PRRC2A: variants seen among roughly 807,000 people sequenced by gnomAD.
PRRC2A encodes the protein protein PRRC2A.
Under a neutral mutation model 224.6 loss-of-function variants are expected in PRRC2A, and 59 were observed. The observed-to-expected ratio is 0.26, with a 90% confidence interval of 0.21 to 0.33. PRRC2A has a LOEUF of 0.33. Among genes scored for constraint, PRRC2A ranks in the 10% least tolerant of loss-of-function variants. PRRC2A has a pLI of 1.00. For missense variants in PRRC2A, 3,095 were observed against 2,880.7 expected, an observed-to-expected ratio of 1.07 and a Z score of -1.70; for synonymous variants, 1,194 against 1,109.5, an observed-to-expected ratio of 1.08 and a Z score of -1.51.
rs1344886022 is a variant in PRRC2A, at chr6:31,626,036, G to A, written c.856G>A (p.Ala286Thr). The A allele has an allele frequency of 2.5e-6, 4 of 1,601,464 alleles. No individual in the cohort carries two copies. Among genetic ancestry groups the A allele is most frequent in the East Asian group, 2.2e-5 (1 of 44,888 alleles). ...PDGPSRFPRV[A>T]GPRGSGPPMR... Reference sequence around the variant, plus strand: ...TGTGTACAGCCGTTTTCCCCGTGTGGCGGGCCCCCGAGGCTCAGGGCCACC... The same window carrying A: ...TGTGTACAGCCGTTTTCCCCGTGTGACGGGCCCCCGAGGCTCAGGGCCACC... Residue 286 changes from alanine (A) to threonine (T), a missense_variant, in exon 9 of 31, where the codon GCG (alanine) becomes ACG (threonine). Ala to Thr is a moderately conservative substitution (Grantham distance 58). Transcript: ENST00000376033.
chr6:31,622,971 C>G, intron 2 of PRRC2A, 70 bp downstream of exon 2: 2 of 1,274,178 alleles, frequency 1.6e-6, no homozygotes, highest in Non-Finnish European at 1.1e-6. Context: ...TTTTAGAGCT[C>G]TTTAAAGGGA....
chr6:31,637,002 G>A (rs1270278682), intron 28 of PRRC2A, 40 bp from the exon 29 acceptor site: 4 of 1,597,072 alleles, frequency 2.5e-6, no homozygotes, highest in African/African-American at 1.3e-5. Context: ...TAGGGATTCT[G>A]TATTTCAAGG....
At chr6:31,634,421 T>A (rs1382417732) in intron 19 of PRRC2A, 51 bp from the exon 20 acceptor site, 15 of 1,612,150 alleles carry the variant, frequency 9.3e-6, no homozygotes, top group Non-Finnish European at 1.2e-5. Flanking sequence ...GAGAGGGGCT[T>A]CTGAACTGTC....
Position 31,636,954 on chromosome 6 carries a change from C to T in PRRC2A, c.6147+9C>T. On this transcript the variant is annotated intron_variant, in intron 28 of 30. Coordinates refer to ENST00000376033, the MANE Select transcript of PRRC2A (RefSeq NM_004638.4). This position sits in a 1 kb window ranked among gnomAD's most constrained non-coding sequence, Gnocchi z 4.3. ...GCTTGGGGCGAGCAGAGGTAAGGTA[C>T]AGGAACTGAGGGGCTAGGGAGCGCC... 1 of 1,611,250 alleles carries T rather than the reference C, an allele frequency of 6.2e-7. No homozygotes were observed. The highest frequency in any genetic ancestry group is 8.5e-7 in the Non-Finnish European group (1 of 1,178,784).
chr6:31,623,645 C>G, intron 2 of PRRC2A, 87 bp from the exon 3 acceptor site: 3 of 1,405,970 alleles, frequency 2.1e-6, no homozygotes, highest in Non-Finnish European at 2.9e-6. Context: ...ATAAAATATT[C>G]AACATGTATA....
At position 31,627,571 on chromosome 6, in the gene PRRC2A, C is replaced by G. The variant is rs1289690271; in HGVS notation, c.1291-194C>G. On this transcript the variant is annotated intron_variant, in intron 11 of 30. Coordinates refer to ENST00000376033, the MANE Select transcript of PRRC2A (RefSeq NM_004638.4). The surrounding 1 kb of genome is among the most constrained non-coding windows in gnomAD (Gnocchi z 5.6). ...GGATCACTTGAGCCCAAGTTCAAGACCAGCCTGGGCAACATAGCAAGACGT... is the reference window on the plus strand; with the variant it reads ...GGATCACTTGAGCCCAAGTTCAAGAGCAGCCTGGGCAACATAGCAAGACGT... Among the ~76,000 whole-genome samples the G allele has an allele frequency of 1.3e-5, 2 of 152,192 alleles. No individual in the cohort carries two copies. Among genetic ancestry groups the G allele is most frequent in the Non-Finnish European group, 2.9e-5 (2 of 68,040 alleles).
chr6:31,633,968 A>C lies in PRRC2A; in HGVS notation c.4698A>C (p.Arg1566Ser). Residue 1566 changes from arginine (R) to serine (S), a missense_variant, in exon 18 of 31, where the codon AGA becomes AGC. Physicochemically the swap from Arg to Ser is moderately radical, Grantham distance 110. Transcript: ENST00000376033. ...CTAAACGTCGGGAGCGGCCTCCCAG[A>C]AAACCAGAGCTGCTACAGGAGGTAA... ...FPPKRRERPP[R>S]KPELLQEESL... is the part of the protein sequence containing the mutation. 1 of 1,604,172 alleles carries C rather than the reference A, an allele frequency of 6.2e-7. No individual in the cohort carries two copies. The highest frequency in any genetic ancestry group is 1.3e-5 in the African/African-American group (1 of 74,272).
chr6:31,633,118 G>A, intron 16 of PRRC2A, 126 bp downstream of exon 16: 2 of 1,314,734 alleles, frequency 1.5e-6, no homozygotes, highest in Non-Finnish European at 2.0e-6. Context: ...TAGAATGTCA[G>A]TAGGATTTCC....
Position 31,626,169 on chromosome 6 carries a change from G to C in PRRC2A, c.982+7G>C, listed in dbSNP as rs747377622. The C allele has an allele frequency of 1.3e-5, 21 of 1,607,590 alleles. No homozygotes were observed. Among genetic ancestry groups the C allele is most frequent in the Admixed American group, 1.2e-4 (7 of 58,786 alleles). ...AATGATGATGGTTGGGCAGGTAAGT[G>C]GATATTAAGGGTCAAGAATTTGGAT... On this transcript the variant is annotated splice_region_variant and intron_variant, in intron 9 of 30. Transcript: ENST00000376033.
intron 14 of PRRC2A, among the ~76,000 whole-genome samples, 196 bp downstream of exon 14, chr6:31,630,041 G>A (rs971226120): frequency 6.6e-6 from 1 of 152,240 alleles, no homozygotes; most frequent in African/African-American, 2.4e-5. Flanking sequence ...GGTTGGCCAG[G>A]CATTGTGGCT....
At position 31,637,283 on chromosome 6, in the gene PRRC2A, A is replaced by G. The variant is rs866810927; in HGVS notation, c.6292A>G (p.Ser2098Gly). Residue 2098 changes from serine (S) to glycine (G), a missense_variant, in exon 30 of 31, where the codon AGT (serine) becomes GGT (glycine). By Grantham distance (56) the Ser-to-Gly change is moderately conservative (BLOSUM62 0). This residue lies in a region of PRRC2A where 662 missense variants were observed against 609.5 expected (regional missense o/e 1.09). Transcript: ENST00000376033. ...TCTCAAGGCCACGCCTTCCACCTAC[A>G]GTGGAGTCTTCCGCACCCAGCGCGT... ...SRLKATPSTY[S>G]GVFRTQRVDL... 5.0e-6 allele frequency: 8 copies of G among 1,612,322 alleles called. No homozygotes were observed. The African/African-American group carries it at 9.3e-5, about 19-fold the overall frequency.
chr6:31,632,581 C>T lies in PRRC2A; in HGVS notation c.3908C>T (p.Ala1303Val), dbSNP rs760144139. 2 of 1,612,776 alleles carry T rather than the reference C, an allele frequency of 1.2e-6. No individual in the cohort carries two copies. Among genetic ancestry groups the T allele is most frequent in the Non-Finnish European group, 1.7e-6 (2 of 1,179,904 alleles). ...GTGGCCCCAGCACCTCGCCGGGCAG[C>T]TGCCAAGTCTCCTGATCTGTCAAAC... The part of the protein sequence containing the change: ...VTVAPAPRRA[A>V]AKSPDLSNQN... The change falls in exon 16 of 31, where the codon GCT becomes GTT. Residue 1303 changes from alanine to valine, a missense_variant. Ala to Val is a moderately conservative substitution (Grantham distance 64, BLOSUM62 0). Coordinates refer to ENST00000376033, the MANE Select transcript of PRRC2A (RefSeq NM_004638.4).
Position 31,631,796 on chromosome 6 carries a change from C to T in PRRC2A, c.3123C>T (p.Thr1041=). The change falls in exon 16 of 31, where the codon ACC becomes ACT. Residue 1041 remains threonine (T), a synonymous_variant. Transcript: ENST00000376033. The surrounding 1 kb of genome is among the most constrained non-coding windows in gnomAD (Gnocchi z 4.5). ...CCAGAGGGAGGGGTTTTCGGGGGAC[C>T]TATGGGGGACGAGGGCGGGGAGCCC... ...YFARGRGFRG[T]YGGRGRGARS... 6.3e-7 allele frequency: 1 copy of T among 1,579,502 alleles called. No individual in the cohort carries two copies. Among genetic ancestry groups the T allele is most frequent in the Non-Finnish European group, 8.6e-7 (1 of 1,161,478 alleles).
In PRRC2A at chr6:31,626,755, C is replaced by T; in HGVS notation, c.983-17C>T. 1 of 1,560,358 alleles carries T rather than the reference C, an allele frequency of 6.4e-7. No individual in the cohort carries two copies. Among genetic ancestry groups the T allele is most frequent in the Non-Finnish European group, 8.7e-7 (1 of 1,151,390 alleles). On this transcript the variant is annotated splice_polypyrimidine_tract_variant and intron_variant, in intron 9 of 30. Coordinates refer to ENST00000376033, the MANE Select transcript of PRRC2A (RefSeq NM_004638.4). ...GGGCAGAATGCTTGGGTTACTAATA[C>T]TCATATTTCCCCTCAGGGGCCCATG...
chr6:31,632,757 G>C lies in PRRC2A; in HGVS notation c.4084G>C (p.Val1362Leu), dbSNP rs115668528. The C allele has an allele frequency of 1.2e-6, 2 of 1,612,992 alleles. No homozygotes were observed. Among genetic ancestry groups the C allele is most frequent in the Admixed American group, 1.7e-5 (1 of 60,006 alleles). ...TCCTGGGGGAGGTGGAGGTGGAGCC[G>C]TACCAGGTATTTCAGCCATGTCCCG... is the stretch of plus-strand genomic sequence containing the variant. The part of the protein sequence containing the change: ...GTPGGGGGGA[V>L]PGISAMSRGD... The change falls in exon 16 of 31, where the codon GTA becomes CTA. Residue 1362 changes from valine (V) to leucine (L), a missense_variant. Physicochemically the swap from Val to Leu is conservative, Grantham distance 32. Around this residue, in one of 8 missense-constraint regions of PRRC2A, gnomAD observed 2,001 missense variants for 1,764.9 expected, o/e 1.13. Transcript: ENST00000376033.
Position 31,627,518 on chromosome 6 carries a change from C to T in PRRC2A, c.1291-247C>T, listed in dbSNP as rs908681846. 2.6e-5 allele frequency among the ~76,000 whole-genome samples: 4 copies of T among 152,094 alleles called. No individual in the cohort carries two copies. The highest frequency in any genetic ancestry group is 9.7e-5 in the African/African-American group (4 of 41,416). ...GGATCTGTTAGTATGCATCAGTAGTCCAAGCTACTCAGCAGGCTGAAGCAG... is the reference window on the plus strand; with the variant it reads ...GGATCTGTTAGTATGCATCAGTAGTTCAAGCTACTCAGCAGGCTGAAGCAG... On this transcript the variant is annotated intron_variant, in intron 11 of 30. Transcript: ENST00000376033. This position sits in a 1 kb window ranked among gnomAD's most constrained non-coding sequence, Gnocchi z 5.6.
intron 1 of PRRC2A, 135 bp downstream of exon 1, chr6:31,620,993 C>T (rs1775204504): frequency 6.5e-6 from 1 of 154,388 alleles, no homozygotes; most frequent in African/African-American, 2.4e-5. Flanking sequence ...ATTTTGTCCT[C>T]CTGCTGCCGG....
At position 31,624,255 on chromosome 6, in the gene PRRC2A, C is replaced by T; in HGVS notation, c.291-6C>T. The T allele has an allele frequency of 6.2e-7, 1 of 1,612,852 alleles. No homozygotes were observed. The highest frequency in any genetic ancestry group is 2.2e-5 in the East Asian group (1 of 44,882). ...TGTGAATAACCTTCCCATTCTGTCC[C>T]CTCAGTTCCGATGCCTCAACCGCTC... On this transcript the variant is annotated splice_polypyrimidine_tract_variant and splice_region_variant and intron_variant, in intron 3 of 30. Transcript: ENST00000376033.
Position 31,630,593 on chromosome 6 carries a change from C to G in PRRC2A, c.2257C>G (p.Leu753Val). ...TTCTTTTTCTTTGGTTTCTTCAGGC[C>G]TAGTTCCCCGAGAGCGTTCAGACAG... is the stretch of plus-strand genomic sequence containing the variant. ...FYPPGVHPSGLVPRERSDSGG... is the reference protein window; with the variant it reads ...FYPPGVHPSGVVPRERSDSGG... Residue 753 changes from leucine (L) to valine (V), a missense_variant and splice_region_variant, in exon 15 of 31, where the codon CTA becomes GTA. Around this residue, in one of 8 missense-constraint regions of PRRC2A, gnomAD observed 2,001 missense variants for 1,764.9 expected, o/e 1.13. Coordinates refer to ENST00000376033, the MANE Select transcript of PRRC2A (RefSeq NM_004638.4). 4 of 1,614,126 alleles carry G rather than the reference C, an allele frequency of 2.5e-6. No homozygotes were observed. Among genetic ancestry groups the G allele is most frequent in the Non-Finnish European group, 3.4e-6 (4 of 1,180,022 alleles).
Sources: allele counts gnomAD v4.1 joint callset (sites outside exome capture counted in the v4.1 genomes callset), GRCh38; gene constraint gnomAD v4.1.1; regional missense constraint gnomAD v4.1.1; non-coding constraint Gnocchi (gnomAD v3.1); transcripts MANE v1.5; gene names NCBI Gene and HGNC (gene_info 2026-07-23, HGNC 2026-07-21).